CCDC9: variants seen among roughly 807,000 people sequenced by gnomAD.
CCDC9 encodes coiled-coil domain containing 9.
Under a neutral mutation model 65.6 loss-of-function variants are expected in CCDC9, and 52 were observed. The ratio of observed to expected loss-of-function variants is 0.79; its 90% confidence interval spans 0.63 to 1.00. The LOEUF is 1.00. Ranked by LOEUF, CCDC9 falls within the 50% of genes least tolerant of loss-of-function variation. The probability of loss-of-function intolerance (pLI) is 0.00; values close to 1 mark genes in which losing one functional copy is unlikely to be tolerated. For synonymous variants in CCDC9, 332 were observed against 280.3 expected, an observed-to-expected ratio of 1.18 and a Z score of -1.84; for missense variants, 834 against 757.2, an observed-to-expected ratio of 1.10 and a Z score of -1.19.
Position 47,266,605 on chromosome 19 carries a change from G to A in CCDC9, c.721-6G>A, listed in dbSNP as rs1278411132. On this transcript the variant is annotated splice_polypyrimidine_tract_variant and splice_region_variant and intron_variant, in intron 7 of 11. Coordinates refer to ENST00000221922, the MANE Select transcript of CCDC9 (RefSeq NM_015603.3). The stretch of plus-strand genomic sequence containing the variant: ...TCACCCTGACTCCCTGTGGGCTGGG[G>A]GGCAGGGCCGCCGAGCTGGCCTGGG... 6.6e-7 allele frequency: 1 copy of A among 1,520,564 alleles called. No individual in the cohort carries two copies. Among genetic ancestry groups the A allele is most frequent in the Non-Finnish European group, 8.9e-7 (1 of 1,127,778 alleles). 94.2% of individuals were successfully genotyped at this position (1,520,564 alleles called of 1,614,324 possible).
chr19:47,265,033 G>A (rs756095286), intron 7 of CCDC9, 87 bp downstream of exon 7: 21 of 1,166,274 alleles, frequency 1.8e-5, no homozygotes, highest in Non-Finnish European at 2.3e-5. Flanking sequence ...AGGGCCATGG[G>A]GCCTCTCCTT....
At chr19:47,271,958 A>G, downstream of CCDC9, 1 of 1,283,886 alleles carries the variant, frequency 7.8e-7, no homozygotes, top group African/African-American at 1.5e-5. Context: ...CTCCAATGAC[A>G]TTCCCCCAGG....
At position 47,260,784 on chromosome 19, in the gene CCDC9, G is replaced by C; in HGVS notation, c.407G>C (p.Gly136Ala). ...CGTGGCCGGAGGGGCCGGGGCCGAG[G>C]TTCACCTCACCTCTCTGGAGCTGGA... ...GGRGRRGRGR[G>A]SPHLSGAGDT... The change falls in exon 5 of 12, where the codon GGT becomes GCT. Residue 136 changes from glycine to alanine, a missense_variant. Physicochemically the swap from Gly to Ala is moderately conservative, Grantham distance 60. Coordinates refer to ENST00000221922, the MANE Select transcript of CCDC9 (RefSeq NM_015603.3). The C allele has an allele frequency of 6.2e-7, 1 of 1,613,350 alleles. No individual in the cohort carries two copies. The highest frequency in any genetic ancestry group is 8.5e-7 in the Non-Finnish European group (1 of 1,179,662).
rs374663536 is a variant in CCDC9 at position 47,260,738 on chromosome 19, C to T, written c.361C>T (p.Arg121Ter). Residue 121 changes from arginine (R) to a stop codon, truncating the protein, a stop_gained, in exon 5 of 12, where the codon CGA becomes TGA. Transcript: ENST00000221922. LOFTEE classifies it high-confidence loss of function. ...SWEGSPGEQP[R>*]GGGAGGRGRR... ...GGAGGGCAGCCCCGGGGAGCAGCCTCGAGGAGGAGGAGCTGGGGGCCGTGG... is the reference window on the plus strand; with the variant it reads ...GGAGGGCAGCCCCGGGGAGCAGCCTTGAGGAGGAGGAGCTGGGGGCCGTGG... 6.2e-6 allele frequency: 10 copies of T among 1,602,110 alleles called. No individual in the cohort carries two copies. Among genetic ancestry groups the T allele is most frequent in the African/African-American group, 1.3e-5 (1 of 74,348 alleles).
chr19:47,275,181 C>G, downstream of CCDC9: 1 of 1,469,998 alleles, frequency 6.8e-7, no homozygotes, highest in Non-Finnish European at 9.0e-7. Context: ...TGTCCCGGCG[C>G]CCGCCGCTGC....
rs1183039069 is a variant in CCDC9, at chr19:47,260,750, G to A, written c.373G>A (p.Ala125Thr). 4 of 1,607,970 alleles carry A rather than the reference G, an allele frequency of 2.5e-6. No individual in the cohort carries two copies. The African/African-American group carries it at 5.4e-5, about 22-fold the overall frequency. The change falls in exon 5 of 12, where the codon GCT (alanine) becomes ACT (threonine). Residue 125 changes from alanine (A) to threonine (T), a missense_variant. Transcript: ENST00000221922. ...SPGEQPRGGG[A>T]GGRGRRGRGR... ...CGGGGAGCAGCCTCGAGGAGGAGGAGCTGGGGGCCGTGGCCGGAGGGGCCG... is the reference window on the plus strand; with the variant it reads ...CGGGGAGCAGCCTCGAGGAGGAGGAACTGGGGGCCGTGGCCGGAGGGGCCG...
downstream of CCDC9, chr19:47,274,390 G>C (rs1265085413): frequency 6.5e-6 from 1 of 152,674 alleles, no homozygotes; most frequent in Non-Finnish European, 1.5e-5. Flanking sequence ...TGGTCGGGGT[G>C]TCGCGCGGGA....
intron 5 of CCDC9, among the ~76,000 whole-genome samples, chr19:47,262,671 A>G (rs1347302522): frequency 6.6e-6 from 1 of 152,128 alleles, no homozygotes; most frequent in East Asian, 1.9e-4. Context: ...GAGAACTTAG[A>G]CACCTGGTCA....
downstream of CCDC9, chr19:47,274,918 G>T (rs556156820): frequency 4.9e-4 from 643 of 1,317,500 alleles, 4 homozygotes; most frequent in African/African-American, 9.2e-3. Flanking sequence ...TGGGCTGCGG[G>T]GATGCGGGGG....
At chr19:47,265,131 C>G (rs2059072992) in intron 7 of CCDC9, among the ~76,000 whole-genome samples, 185 bp downstream of exon 7, 1 of 152,102 alleles carries the variant, frequency 6.6e-6, no homozygotes, top group Admixed American at 6.6e-5. Context: ...CATCTCGGCT[C>G]ACTGCAGCCT....
At chr19:47,275,139 C>G (rs1182643063), downstream of CCDC9, 2 of 1,488,708 alleles carry the variant, frequency 1.3e-6, no homozygotes, top group Admixed American at 2.3e-5. Context: ...CGCGCCGTCC[C>G]CTCCGTGTGC....
At chr19:47,258,744 C>A in intron 3 of CCDC9, 81 bp downstream of exon 3, 1 of 988,076 alleles carries the variant, frequency 1.0e-6, no homozygotes, top group Non-Finnish European at 1.6e-6. Context: ...TCCTTAAAAC[C>A]TTTTCATGGC....
At chr19:47,269,914 T>C (rs2059104429) in intron 8 of CCDC9, among the ~76,000 whole-genome samples, 1 of 152,058 alleles carries the variant, frequency 6.6e-6, no homozygotes, top group Non-Finnish European at 1.5e-5. Flanking sequence ...TCTGAATCTT[T>C]TTGTATTTGT....
rs750337326 is a variant in CCDC9, at chr19:47,258,669, C to G, written c.108+6C>G. On this transcript the variant is annotated splice_donor_region_variant and intron_variant, in intron 3 of 11. Coordinates refer to ENST00000221922, the MANE Select transcript of CCDC9 (RefSeq NM_015603.3). ...CCCTCATCCGGCGCTACCAGGTGCCCTAGCCCCGCCCTGGGAGACCCCATC... is the reference window on the plus strand; with the variant it reads ...CCCTCATCCGGCGCTACCAGGTGCCGTAGCCCCGCCCTGGGAGACCCCATC... 3 of 1,609,100 alleles carry G rather than the reference C, an allele frequency of 1.9e-6. No homozygotes were observed. The highest frequency in any genetic ancestry group is 3.3e-5 in the Admixed American group (2 of 59,990).
At chr19:47,267,684 C>T (rs547555615) in intron 8 of CCDC9, among the ~76,000 whole-genome samples, 1 of 152,178 alleles carries the variant, frequency 6.6e-6, no homozygotes, top group Non-Finnish European at 1.5e-5. Context: ...TCTGCCCCCT[C>T]CAGTGGATAG....
chr19:47,259,378 C>T (rs1261967669), intron 3 of CCDC9, among the ~76,000 whole-genome samples: 9 of 152,074 alleles, frequency 5.9e-5, no homozygotes, highest in Non-Finnish European at 1.3e-4. Context: ...AGGAAGACGC[C>T]TCTGGGTGCT....
downstream of CCDC9, among the ~76,000 whole-genome samples, chr19:47,272,799 C>A (rs1177994175): frequency 6.6e-6 from 1 of 152,108 alleles, no homozygotes; most frequent in Non-Finnish European, 1.5e-5. Context: ...CATGCGTACC[C>A]GATCAGCATT....
At chr19:47,267,576 G>A (rs895008912) in intron 8 of CCDC9, among the ~76,000 whole-genome samples, 1 of 152,178 alleles carries the variant, frequency 6.6e-6, no homozygotes, top group African/African-American at 2.4e-5. Context: ...GCAGCTGCCT[G>A]GGGAGCGCTT....
chr19:47,274,170 G>A (rs2059141550), downstream of CCDC9, among the ~76,000 whole-genome samples: 1 of 152,226 alleles, frequency 6.6e-6, no homozygotes, highest in Non-Finnish European at 1.5e-5. Flanking sequence ...TTGCGGTGAG[G>A]GGCGGAGCTG....
Sources: allele counts gnomAD v4.1 joint callset (sites outside exome capture counted in the v4.1 genomes callset), GRCh38; gene constraint gnomAD v4.1.1; transcripts MANE v1.5; gene names NCBI Gene and HGNC (gene_info 2026-07-23, HGNC 2026-07-21).